Variants in ARFGEF3 observed in about 807,000 individuals in gnomAD.
ARFGEF3 encodes brefeldin A-inhibited guanine nucleotide-exchange protein 3.
ARFGEF3 carries 96 observed loss-of-function variants against 221.7 expected under a neutral mutation model. The ratio of observed to expected loss-of-function variants is 0.43; its 90% CI spans 0.37 to 0.51. ARFGEF3 has a LOEUF of 0.51. ARFGEF3 is among the 20% of genes least tolerant of loss of function. ARFGEF3 has a pLI of 0.00. For synonymous variants in ARFGEF3, 1,145 were observed against 1,126.8 expected, an observed-to-expected ratio of 1.02 and a Z score of -0.32; for missense variants, 2,410 against 2,789.9, an observed-to-expected ratio of 0.86 and a Z score of 3.07.
intron 33 of ARFGEF3, 63 bp downstream of exon 33, chr6:138,335,251 C>T: frequency 1.4e-6 from 2 of 1,445,026 alleles, no homozygotes; most frequent in Non-Finnish European, 1.8e-6. Flanking sequence ...GATGGGCCCC[C>T]CCTTGCAGAG....
intron 29 of ARFGEF3, 22 bp from the exon 30 acceptor site, chr6:138,323,649 C>A: frequency 6.3e-7 from 1 of 1,591,204 alleles, no homozygotes; most frequent in East Asian, 2.2e-5. Flanking sequence ...AAAAAAACTC[C>A]TTTACTTGTT....
chr6:138,342,732 G>C lies in ARFGEF3; in HGVS notation c.*6246G>C, dbSNP rs970888944. 7 of 152,154 alleles carry C rather than the reference G, an allele frequency of 4.6e-5. No homozygotes were observed. The highest frequency in any genetic ancestry group is 7.3e-5 in the Non-Finnish European group (5 of 68,028). The allele number at this position is 152,154 out of a possible 1,614,324, so 9.4% of individuals were successfully genotyped here. On this transcript the variant is annotated 3_prime_UTR_variant, in exon 34 of 34. Transcript: ENST00000251691. Reference sequence around the variant, plus strand: ...CTCCTGGCTTACAGATTTTTGAATAGTTGTTTGCTTGCCAGTTGTTTTACA... The same window carrying C: ...CTCCTGGCTTACAGATTTTTGAATACTTGTTTGCTTGCCAGTTGTTTTACA...
At position 138,272,988 on chromosome 6, in the gene ARFGEF3, A is replaced by G. The variant is rs1779031756; in HGVS notation, c.2129-5463A>G. On this transcript the variant is annotated intron_variant, in intron 12 of 33. Transcript: ENST00000251691. ...CCAATAGAGCATTAAGATCAAATAAATCAAACCACAATGTAACTATGCAGT... is the reference window on the plus strand; with the variant it reads ...CCAATAGAGCATTAAGATCAAATAAGTCAAACCACAATGTAACTATGCAGT... Among the ~76,000 whole-genome samples the G allele has an allele frequency of 2.6e-5, 4 of 152,372 alleles. No homozygotes were observed. In the South Asian group the frequency reaches 6.2e-4, roughly 24 times the overall value.
chr6:138,203,233 T>A (rs1451675879), intron 2 of ARFGEF3, among the ~76,000 whole-genome samples: 1 of 152,196 alleles, frequency 6.6e-6, no homozygotes, highest in Non-Finnish European at 1.5e-5. Flanking sequence ...TCTGATCTTA[T>A]GAGACCAAAG....
chr6:138,249,876 A>T (rs190391811), intron 8 of ARFGEF3, among the ~76,000 whole-genome samples: 9 of 152,298 alleles, frequency 5.9e-5, no homozygotes, highest in African/African-American at 1.9e-4. Context: ...TTTGCTAAAG[A>T]TGCTGGGGGC....
chr6:138,265,177 A>G (rs141868103), intron 12 of ARFGEF3, among the ~76,000 whole-genome samples: 6 of 152,146 alleles, frequency 3.9e-5, no homozygotes, highest in Admixed American at 6.5e-5. Flanking sequence ...TGCTGGGATT[A>G]CAGGCATGAG....
rs371919461 is a variant in ARFGEF3 at position 138,292,004 on chromosome 6, G to T, written c.3319G>T (p.Gly1107Trp). ...CTTCCGCGGCGGGAGCCTCATGAGC[G>T]GGAGCAGCGCGGCCAAGGTGGTGCT... ...SDFRGGSLMSGSSAAKVVLTL... is the reference protein window; with the variant it reads ...SDFRGGSLMSWSSAAKVVLTL... Residue 1107 changes from glycine to tryptophan, a missense_variant, in exon 19 of 34, where the codon GGG (glycine) becomes TGG (tryptophan). By Grantham distance (184) the Gly-to-Trp change is radical. This residue lies in a region of ARFGEF3 where 184 missense variants were observed against 141.8 expected (regional missense o/e 1.30). Coordinates refer to ENST00000251691, the MANE Select transcript of ARFGEF3 (RefSeq NM_020340.5). 4.4e-5 allele frequency: 68 copies of T among 1,531,532 alleles called. 1 individual carries two copies. In the South Asian group the frequency reaches 7.5e-4, roughly 17 times the overall value. The allele number at this position is 1,531,532 out of a possible 1,614,324, so 94.9% of individuals were successfully genotyped here. A position where few individuals can be genotyped will look rare whatever the true frequency, so the allele number is the denominator to read the frequency against.
chr6:138,333,928 G>A, intron 32 of ARFGEF3, 42 bp from the exon 33 acceptor site: 1 of 1,559,616 alleles, frequency 6.4e-7, no homozygotes, highest in South Asian at 1.2e-5. Context: ...ACCTGATATA[G>A]GGCAGAAAAC....
intron 4 of ARFGEF3, among the ~76,000 whole-genome samples, chr6:138,213,106 G>C (rs1777763147): frequency 1.3e-5 from 2 of 151,978 alleles, no homozygotes; most frequent in African/African-American, 4.8e-5. Context: ...GGCTAACATG[G>C]TGAAACCCCT....
intron 5 of ARFGEF3, among the ~76,000 whole-genome samples, chr6:138,237,316 T>G (rs1224422676): frequency 6.6e-6 from 1 of 152,160 alleles, no homozygotes; most frequent in Non-Finnish European, 1.5e-5. Flanking sequence ...CCTAGAAAAA[T>G]AATTTAGGAA....
intron 11 of ARFGEF3, 22 bp from the exon 12 acceptor site, chr6:138,262,679 T>A (rs757036658): frequency 1.3e-5 from 21 of 1,564,702 alleles, no homozygotes; most frequent in Non-Finnish European, 1.8e-5. Context: ...TTATTCCATT[T>A]TCTCTTTTGA....
In ARFGEF3 at chr6:138,209,891, G is replaced by A. The variant is rs906502530; in HGVS notation, c.220-19G>A. ...AGGGGAGAGCCTATCTGTGATCACT[G>A]CCTTGTGCCTCTTTACAGAAGCTTC... On this transcript the variant is annotated intron_variant, in intron 3 of 33. Coordinates refer to ENST00000251691, the MANE Select transcript of ARFGEF3 (RefSeq NM_020340.5). The A allele has an allele frequency of 3.7e-6, 6 of 1,612,682 alleles. No homozygotes were observed. Among genetic ancestry groups the A allele is most frequent in the Non-Finnish European group, 5.1e-6 (6 of 1,179,218 alleles).
intron 10 of ARFGEF3, among the ~76,000 whole-genome samples, chr6:138,261,052 A>G (rs1258724348): frequency 6.6e-6 from 1 of 152,220 alleles, no homozygotes; most frequent in Non-Finnish European, 1.5e-5. Flanking sequence ...ATGTAGCTTT[A>G]GAAACAAGCT....
intron 2 of ARFGEF3, among the ~76,000 whole-genome samples, chr6:138,184,360 C>T (rs1176852510): frequency 1.3e-5 from 2 of 151,942 alleles, no homozygotes; most frequent in African/African-American, 4.8e-5. Flanking sequence ...CAGCAGTTTG[C>T]AGAATGTACA....
At chr6:138,241,345 C>A (rs548400591) in intron 6 of ARFGEF3, among the ~76,000 whole-genome samples, 2 of 152,174 alleles carry the variant, frequency 1.3e-5, no homozygotes, top group South Asian at 2.1e-4. Flanking sequence ...TCCGTTACTC[C>A]CATTTTTTTC....
intron 2 of ARFGEF3, among the ~76,000 whole-genome samples, chr6:138,171,870 C>T (rs1776842926): frequency 6.6e-6 from 1 of 151,986 alleles, no homozygotes; most frequent in South Asian, 2.1e-4. Context: ...TAGCATAATT[C>T]ATTTAGCAGT....
At chr6:138,285,191 C>T (rs922781733) in intron 14 of ARFGEF3, among the ~76,000 whole-genome samples, 3 of 152,090 alleles carry the variant, frequency 2.0e-5, no homozygotes, top group South Asian at 2.1e-4. Context: ...TGGCAGGGCA[C>T]GGTGGCTCAC....
rs899601867 is a variant in ARFGEF3 at position 138,319,806 on chromosome 6, T to C, written c.4578T>C (p.Ser1526=). 3.1e-6 allele frequency: 5 copies of C among 1,613,888 alleles called. No homozygotes were observed. The African/African-American group carries it at 6.7e-5, about 22-fold the overall frequency. The change falls in exon 28 of 34, where the codon TCT becomes TCC. Residue 1526 remains serine, a synonymous_variant. Coordinates refer to ENST00000251691, the MANE Select transcript of ARFGEF3 (RefSeq NM_020340.5). Reference sequence around the variant, plus strand: ...ACCATTCCTACTGGGATATGGCCTCTGCCAATTTCAAGCACGCTATTGGTC... The same window carrying C: ...ACCATTCCTACTGGGATATGGCCTCCGCCAATTTCAAGCACGCTATTGGTC... ...HKDHSYWDMA[S]ANFKHAIGLS...
chr6:138,197,546 C>G (rs935467794), intron 2 of ARFGEF3, among the ~76,000 whole-genome samples: 2 of 152,120 alleles, frequency 1.3e-5, no homozygotes, highest in Non-Finnish European at 2.9e-5. Context: ...ACTGGCATCA[C>G]CACAAACATG....
Sources: allele counts gnomAD v4.1 joint callset (sites outside exome capture counted in the v4.1 genomes callset), GRCh38; gene constraint gnomAD v4.1.1; regional missense constraint gnomAD v4.1.1; transcripts MANE v1.5; gene names NCBI Gene and HGNC (gene_info 2026-07-23, HGNC 2026-07-21).